The following GRIN2A variants were observed in gnomAD, a reference collection of about 807,000 sequenced individuals.
The protein encoded by GRIN2A is glutamate receptor ionotropic, NMDA 2A.
A neutral mutation model predicts 113.4 loss-of-function variants in GRIN2A; 22 were observed. That is an observed-to-expected ratio of 0.19 (90% CI 0.14 to 0.28). The LOEUF (loss-of-function observed/expected upper bound fraction) is 0.28, where lower values mean the gene tolerates loss of function less well. GRIN2A is among the 10% of genes least tolerant of loss of function. GRIN2A has a pLI of 1.00. For missense variants in GRIN2A, 1,502 were observed against 1,887.0 expected, an observed-to-expected ratio of 0.80 and a Z score of 3.78; for synonymous variants, 827 against 738.4, an observed-to-expected ratio of 1.12 and a Z score of -1.94.
chr16:9,903,257 C>T (rs1030863777), intron 3 of GRIN2A, among the ~76,000 whole-genome samples: 8 of 152,068 alleles, frequency 5.3e-5, no homozygotes, highest in Admixed American at 6.5e-5. Flanking sequence ...CGTGAGTCAC[C>T]GTGCCCGGCC....
chr16:9,866,571 A>G (rs1412425512), intron 4 of GRIN2A, among the ~76,000 whole-genome samples: 1 of 152,150 alleles, frequency 6.6e-6, no homozygotes, highest in African/African-American at 2.4e-5. Context: ...GAAATTGGCA[A>G]TTGGCCTTGG....
Position 9,834,098 on chromosome 16 carries a change from C to A in GRIN2A, c.1777+7G>T. The A allele has an allele frequency of 6.2e-7, 1 of 1,612,250 alleles. No homozygotes were observed. Among genetic ancestry groups the A allele is most frequent in the Non-Finnish European group, 8.5e-7 (1 of 1,178,334 alleles). On this transcript the variant is annotated splice_region_variant and intron_variant, in intron 8 of 12. Transcript: ENST00000330684. ...ACATTGAATCATGCTCATGAAGGTA[C>A]CCTTACCTTTCCCTTTGGCTAAGTT...
intron 2 of GRIN2A, among the ~76,000 whole-genome samples, chr16:9,990,627 G>C (rs1250309523): frequency 6.7e-6 from 1 of 149,226 alleles, no homozygotes; most frequent in African/African-American, 2.5e-5. Flanking sequence ...GCTGCCTCTA[G>C]ATACTGACTC....
rs572182729 is a variant in GRIN2A, at chr16:10,007,209, C to T, written c.415-68658G>A. Reference sequence around the variant, plus strand: ...TTTTAATTTTTGAGGAACCTCCATACTGTTATCCATAGTGGCTGTATTAAT... The same window carrying T: ...TTTTAATTTTTGAGGAACCTCCATATTGTTATCCATAGTGGCTGTATTAAT... On this transcript the variant is annotated intron_variant, in intron 2 of 12. Transcript: ENST00000330684. Among the ~76,000 whole-genome samples the T allele has an allele frequency of 4.6e-5, 7 of 152,346 alleles. No homozygotes were observed. The East Asian group carries it at 1.3e-3, about 29-fold the overall frequency.
At chr16:9,877,362 A>T (rs554535894) in intron 4 of GRIN2A, among the ~76,000 whole-genome samples, 1 of 152,190 alleles carries the variant, frequency 6.6e-6, no homozygotes, top group African/African-American at 2.4e-5. Flanking sequence ...TATTTTAGAA[A>T]TATTTTATTT....
At chr16:10,042,593 T>C (rs1294785893) in intron 2 of GRIN2A, among the ~76,000 whole-genome samples, 3 of 152,310 alleles carry the variant, frequency 2.0e-5, no homozygotes, top group African/African-American at 7.2e-5. Context: ...ATCAGTAAGA[T>C]AATAAATGCT....
chr16:10,132,340 C>CAAAAAA lies in GRIN2A; in HGVS notation c.414+47652_414+47657dup, dbSNP rs71402435. Among the ~76,000 whole-genome samples the CAAAAAA allele has an allele frequency of 2.2e-3, 133 of 61,586 alleles. 3 individuals are homozygous for CAAAAAA. The highest frequency in any genetic ancestry group is 6.1e-3 in the African/African-American group (103 of 16,830). The allele number at this position is 61,586 out of a possible 152,430, so 40.4% of individuals were successfully genotyped here. A position where few individuals can be genotyped will look rare whatever the true frequency, so the allele number is the denominator to read the frequency against. Reference sequence around the variant, plus strand: ...GAATGAGCAGAACAAGACACCGTCTCAAAAAAAAAAAAAAAAAAGATGTGA... The same window carrying CAAAAAA: ...GAATGAGCAGAACAAGACACCGTCTCAAAAAAAAAAAAAAAAAAAAAAAAGATGTGA... On this transcript the variant is annotated intron_variant, in intron 2 of 12. Transcript: ENST00000330684.
chr16:9,939,470 T>C (rs556097633), intron 2 of GRIN2A, among the ~76,000 whole-genome samples: 27 of 152,306 alleles, frequency 1.8e-4, no homozygotes, highest in Non-Finnish European at 2.9e-5. Context: ...TGGTAACTTA[T>C]GTCAGGTTAA....
At chr16:9,840,201 C>T (rs533520890) in intron 7 of GRIN2A, among the ~76,000 whole-genome samples, 1 of 151,968 alleles carries the variant, frequency 6.6e-6, no homozygotes, top group African/African-American at 2.4e-5. Flanking sequence ...CTGGGGAGTC[C>T]CCAGGAAACT....
intron 2 of GRIN2A, among the ~76,000 whole-genome samples, chr16:10,123,394 A>C (rs1240141237): frequency 6.6e-6 from 1 of 152,094 alleles, no homozygotes; most frequent in Admixed American, 6.6e-5. Context: ...TTTTTGTTGA[A>C]AATACTAAAT....
intron 2 of GRIN2A, among the ~76,000 whole-genome samples, chr16:9,993,506 C>T (rs974782647): frequency 2.6e-5 from 4 of 151,202 alleles, no homozygotes; most frequent in Non-Finnish European, 5.9e-5. Flanking sequence ...CAGTAAGCTA[C>T]GATCATGACA....
rs1383074045 is a variant in GRIN2A, at chr16:9,760,357, CAT to C, written c.*2790_*2791del. On this transcript the variant is annotated 3_prime_UTR_variant, in exon 13 of 13. Coordinates refer to ENST00000330684, the MANE Select transcript of GRIN2A (RefSeq NM_001134407.3). Reference sequence around the variant, plus strand: ...CTACATCTTTTCCTTAGAAATTGACCATCTGATCAGTAGTTGATTTTTTTTTT... The same window carrying C: ...CTACATCTTTTCCTTAGAAATTGACCCTGATCAGTAGTTGATTTTTTTTTT... 2 of 184,574 alleles carry C rather than the reference CAT, an allele frequency of 1.1e-5. No homozygotes were observed. Among genetic ancestry groups the C allele is most frequent in the Non-Finnish European group, 2.1e-5 (2 of 94,482 alleles). The allele number at this position is 184,574 out of a possible 1,614,324, so 11.4% of individuals were successfully genotyped here.
intron 10 of GRIN2A, among the ~76,000 whole-genome samples, chr16:9,806,835 A>G (rs1306879309): frequency 6.6e-6 from 1 of 151,980 alleles, no homozygotes; most frequent in East Asian, 1.9e-4. Flanking sequence ...GGACAGTGAT[A>G]TGGTTTGTCT....
At chr16:9,981,529 A>G (rs557310724) in intron 2 of GRIN2A, among the ~76,000 whole-genome samples, 9 of 152,286 alleles carry the variant, frequency 5.9e-5, no homozygotes, top group African/African-American at 2.2e-4. Flanking sequence ...TTCTCCTTCC[A>G]ATGCATTATT....
intron 10 of GRIN2A, among the ~76,000 whole-genome samples, chr16:9,818,914 A>G (rs2042232209): frequency 6.6e-6 from 1 of 152,248 alleles, no homozygotes; most frequent in Non-Finnish European, 1.5e-5. Flanking sequence ...ATACAAAGAT[A>G]TTCACTACAG....
intron 2 of GRIN2A, among the ~76,000 whole-genome samples, chr16:9,940,456 G>A (rs746746717): frequency 2.6e-5 from 4 of 152,104 alleles, no homozygotes; most frequent in Non-Finnish European, 5.9e-5. Context: ...TTCTTGAATT[G>A]ATTAACCATT....
At chr16:10,079,312 G>A (rs2047936211) in intron 2 of GRIN2A, among the ~76,000 whole-genome samples, 1 of 152,204 alleles carries the variant, frequency 6.6e-6, no homozygotes, top group African/African-American at 2.4e-5. Context: ...AGAACTGACT[G>A]GGTAGTCAGG....
chr16:9,765,011 A>C, intron 12 of GRIN2A, 63 bp from the exon 13 acceptor site: 1 of 1,607,186 alleles, frequency 6.2e-7, no homozygotes, highest in East Asian at 2.2e-5. Flanking sequence ...ACCACTTTGC[A>C]CTTGAACTTT....
At chr16:10,053,705 G>T (rs1220229792) in intron 2 of GRIN2A, among the ~76,000 whole-genome samples, 2 of 152,150 alleles carry the variant, frequency 1.3e-5, no homozygotes, top group African/African-American at 4.8e-5. Flanking sequence ...CTGTTGTCAG[G>T]GTCACTCATG....
Sources: allele counts gnomAD v4.1 joint callset (sites outside exome capture counted in the v4.1 genomes callset), GRCh38; gene constraint gnomAD v4.1.1; transcripts MANE v1.5; gene names NCBI Gene and HGNC (gene_info 2026-07-23, HGNC 2026-07-21).